PAX6: variants seen among roughly 807,000 people sequenced by gnomAD.
The protein encoded by PAX6 is paired box protein Pax-6.
In PAX6, 7 loss-of-function variants were observed where a neutral mutation model predicts 60.7. The ratio of observed to expected loss-of-function variants is 0.12; its 90% CI spans 0.07 to 0.22. The LOEUF is 0.22. Among genes scored for constraint, PAX6 ranks in the 10% least tolerant of loss-of-function variants. The pLI is 1.00. For missense variants in PAX6, 355 were observed against 555.2 expected (o/e 0.64, Z 3.62); for synonymous variants, 208 against 201.2 (o/e 1.03, Z -0.29).
At chr11:31,800,379 G>A (rs2135021249) in intron 8 of PAX6, among the ~76,000 whole-genome samples, 3 of 152,284 alleles carry the variant, frequency 2.0e-5, no homozygotes, top group Middle Eastern at 3.4e-3. Flanking sequence ...GCATTCTAAT[G>A]TCAAATTTGA....
In PAX6 at chr11:31,794,654, C is replaced by T; in HGVS notation, c.700G>A (p.Glu234Lys). The change falls in exon 9 of 14, where the codon GAG (glutamate) becomes AAG (lysine). Residue 234 changes from glutamate to lysine, a missense_variant. Transcript: ENST00000640368. Reference protein sequence around the residue: ...LQRNRTSFTQEQIEALEKEFE... With the variant: ...LQRNRTSFTQKQIEALEKEFE... The stretch of plus-strand genomic sequence containing the variant: ...CCTTTCTCCAGGGCCTCAATTTGCT[C>T]TTGGGTAAAGGATGTTCTATTTCTT... The T allele has an allele frequency of 1.2e-6, 2 of 1,614,156 alleles. No homozygotes were observed. Among genetic ancestry groups the T allele is most frequent in the Non-Finnish European group, 1.7e-6 (2 of 1,180,034 alleles).
intron 5 of PAX6, 166 bp from the exon 6 acceptor site, chr11:31,802,078 T>A: frequency 3.1e-6 from 2 of 654,928 alleles, no homozygotes; most frequent in Non-Finnish European, 2.7e-6. Context: ...AAACTTTTCT[T>A]AAACACTGCC....
At position 31,802,723 on chromosome 11, in the gene PAX6, T is replaced by A; in HGVS notation, c.122A>T (p.Asp41Val). ...ELAHSGARPCDISRILQTHAD... is the reference protein window; with the variant it reads ...ELAHSGARPCVISRILQTHAD... ...GATCACCTGCAGAATTCGGGAAATG[T>A]CGCACGGCCGGGCCCCGCTGTGAGC... is the stretch of plus-strand genomic sequence containing the variant. Residue 41 changes from aspartate (D) to valine (V), a missense_variant, in exon 5 of 14, where the codon GAC becomes GTC. By Grantham distance (152) the Asp-to-Val change is radical. Coordinates refer to ENST00000640368, the MANE Select transcript of PAX6 (RefSeq NM_001368894.2). The A allele has an allele frequency of 6.2e-7, 1 of 1,612,998 alleles. No homozygotes were observed. The highest frequency in any genetic ancestry group is 8.5e-7 in the Non-Finnish European group (1 of 1,179,354).
At chr11:31,815,681 G>T (rs1957344810), upstream of PAX6, among the ~76,000 whole-genome samples, 2 of 151,386 alleles carry the variant, frequency 1.3e-5, no homozygotes, top group Non-Finnish European at 2.9e-5. Flanking sequence ...GCACTAAGGG[G>T]CTCAATGCGA....
At position 31,793,488 on chromosome 11, in the gene PAX6, C is replaced by A. The variant is rs1417284149; in HGVS notation, c.1024G>T (p.Ala342Ser). ...TDTALTNTYS[A>S]LPPMPSFTMA... ...GTGAAGCTGGGCATAGGCGGCAGAG[C>A]GCTGTAGGTGTTTGTGAGGGCTGTG... Residue 342 changes from alanine (A) to serine (S), a missense_variant, in exon 12 of 14, where the codon GCT (alanine) becomes TCT (serine). By Grantham distance (99) the Ala-to-Ser change is moderately conservative (BLOSUM62 1). Coordinates refer to ENST00000640368, the MANE Select transcript of PAX6 (RefSeq NM_001368894.2). 2.5e-6 allele frequency: 4 copies of A among 1,614,184 alleles called. No homozygotes were observed. In the South Asian group the frequency reaches 4.4e-5, roughly 18 times the overall value.
Position 31,806,239 on chromosome 11 carries a change from C to T in PAX6, c.10+163G>A. On this transcript the variant is annotated intron_variant, in intron 4 of 13. Transcript: ENST00000640368. Reference sequence around the variant, plus strand: ...AGAGCCAAGCAAACGCCCTCCCCTCCCGGGCTGCCGGGCGCGGAGCGGGGA... The same window carrying T: ...AGAGCCAAGCAAACGCCCTCCCCTCTCGGGCTGCCGGGCGCGGAGCGGGGA... 3 of 673,842 alleles carry T rather than the reference C, an allele frequency of 4.5e-6. No individual in the cohort carries two copies. In the Admixed American group the frequency reaches 1.1e-4, roughly 25 times the overall value. The allele number at this position is 673,842 out of a possible 1,614,324, so 41.7% of individuals were successfully genotyped here. A position where few individuals can be genotyped will look rare whatever the true frequency, so the allele number is the denominator to read the frequency against.
At chr11:31,800,060 C>G (rs1383603923) in intron 8 of PAX6, among the ~76,000 whole-genome samples, 1 of 151,926 alleles carries the variant, frequency 6.6e-6, no homozygotes, top group South Asian at 2.1e-4. Context: ...GGCATCCCGC[C>G]GTCCTGCTCA....
At chr11:31,803,604 T>C (rs188250993) in intron 4 of PAX6, 1 of 152,280 alleles carries the variant, frequency 6.6e-6, no homozygotes, top group East Asian at 1.9e-4. Flanking sequence ...GACGTGAGAG[T>C]CAGAGCCCGG....
chr11:31,793,387 C>G, intron 12 of PAX6, 51 bp downstream of exon 12: 10 of 1,511,892 alleles, frequency 6.6e-6, no homozygotes, highest in Non-Finnish European at 9.2e-6. Context: ...CTGAGCCACT[C>G]CTCACTTCTC....
chr11:31,812,616 G>A (rs557249832), upstream of PAX6: 1 of 152,534 alleles, frequency 6.6e-6, no homozygotes, highest in Non-Finnish European at 1.5e-5. Flanking sequence ...CAGTTAAGGT[G>A]ACAGGAGAGC....
chr11:31,799,582 T>C (rs1363608069), intron 8 of PAX6, among the ~76,000 whole-genome samples: 2 of 152,176 alleles, frequency 1.3e-5, no homozygotes, highest in African/African-American at 2.4e-5. Context: ...AGCGACAGGA[T>C]TGTTCCCATA....
intron 1 of PAX6, chr11:31,816,417 C>T: frequency 3.2e-6 from 2 of 627,068 alleles, no homozygotes. Flanking sequence ...GGGCGCGGAG[C>T]GAGGACTCTG....
At chr11:31,810,744 G>GGGGA (rs1956903811) in intron 2 of PAX6, 84 bp downstream of exon 2, 5 of 398,220 alleles carry the variant, frequency 1.3e-5, no homozygotes, top group African/African-American at 4.1e-5. Context: ...ACCGGCGAGA[G>GGGGA]GGGAGGAAGG....
Position 31,800,865 on chromosome 11 carries a change from C to T in PAX6, c.400-9G>A. On this transcript the variant is annotated splice_polypyrimidine_tract_variant and intron_variant, in intron 7 of 13. Coordinates refer to ENST00000640368, the MANE Select transcript of PAX6 (RefSeq NM_001368894.2). ...CTGTTTATTGATGACACCTGCAAATCAAACCAAAATCAAACCAAATGGTAG... is the reference window on the plus strand; with the variant it reads ...CTGTTTATTGATGACACCTGCAAATTAAACCAAAATCAAACCAAATGGTAG... The T allele has an allele frequency of 4.3e-6, 7 of 1,612,852 alleles. No individual in the cohort carries two copies. The highest frequency in any genetic ancestry group is 5.9e-6 in the Non-Finnish European group (7 of 1,179,012).
upstream of PAX6, among the ~76,000 whole-genome samples, chr11:31,816,068 C>T (rs923756005): frequency 2.0e-5 from 3 of 152,194 alleles, no homozygotes; most frequent in Admixed American, 6.5e-5. Context: ...CCGGCCAGAC[C>T]CCGCTCCTCA....
upstream of PAX6, among the ~76,000 whole-genome samples, chr11:31,813,750 G>A (rs1348504405): frequency 6.6e-6 from 1 of 152,162 alleles, no homozygotes; most frequent in Non-Finnish European, 1.5e-5. Context: ...GTCAATATTT[G>A]GGGAGGGGAG....
At position 31,790,746 on chromosome 11, in the gene PAX6, T is replaced by G. The variant is rs1949640998; in HGVS notation, c.1189A>C (p.Ser397Arg). Residue 397 changes from serine to arginine, a missense_variant, in exon 13 of 14, where the codon AGT (serine) becomes CGT (arginine). Ser to Arg is a moderately radical substitution (Grantham distance 110). Coordinates refer to ENST00000640368, the MANE Select transcript of PAX6 (RefSeq NM_001368894.2). Reference protein sequence around the residue: ...TPPHMQTHMNSQPMGTSGTTS... With the variant: ...TPPHMQTHMNRQPMGTSGTTS... ...GTGCCCGAGGTGCCCATTGGCTGAC[T>G]GTTCATGTGTGTCTGCATATGTGGG... 5 of 1,614,160 alleles carry G rather than the reference T, an allele frequency of 3.1e-6. No individual in the cohort carries two copies. Among genetic ancestry groups the G allele is most frequent in the African/African-American group, 1.3e-5 (1 of 75,040 alleles).
At chr11:31,794,557 AT>A in intron 9 of PAX6, 72 bp downstream of exon 9, 1 of 1,507,244 alleles carries the variant, frequency 6.6e-7, no homozygotes, top group Non-Finnish European at 9.2e-7. Context: ...CCCTGGCTAA[AT>A]TTAGCTCTTT....
Position 31,789,464 on chromosome 11 carries a change from T to C in PAX6, c.*470A>G. ...GGTTTAATTATATGCAAAGGAATGA[T>C]ACAAACTTGGAACATCAGTCCATAA... On this transcript the variant is annotated 3_prime_UTR_variant, in exon 14 of 14. Transcript: ENST00000640368. 1 of 485,724 alleles carries C rather than the reference T, an allele frequency of 2.1e-6. No homozygotes were observed. The allele number at this position is 485,724 out of a possible 1,614,324, so 30.1% of individuals were successfully genotyped here.
Sources: allele counts gnomAD v4.1 joint callset (sites outside exome capture counted in the v4.1 genomes callset), GRCh38; gene constraint gnomAD v4.1.1; transcripts MANE v1.5; gene names NCBI Gene and HGNC (gene_info 2026-07-23, HGNC 2026-07-21).